The following PLG variants were observed in gnomAD, a reference collection of about 807,000 sequenced individuals.
PLG encodes the protein plasmin.
A neutral mutation model predicts 104.4 loss-of-function variants in PLG; 41 were observed. The observed-to-expected ratio is 0.39, with a 90% CI of 0.31 to 0.51. The LOEUF (loss-of-function observed/expected upper bound fraction) is 0.51. Ranked by LOEUF, PLG falls within the 20% of genes least tolerant of loss-of-function variation. The pLI is 0.76. For missense variants in PLG, 891 were observed against 1,003.6 expected (o/e 0.89, Z 1.52); for synonymous variants, 337 against 357.1 (o/e 0.94, Z 0.63).
At chr6:160,749,822 C>T (rs1034842751) in intron 17 of PLG, among the ~76,000 whole-genome samples, 6 of 150,968 alleles carry the variant, frequency 4.0e-5, no homozygotes, top group African/African-American at 9.8e-5. Context: ...ACCATCATTT[C>T]ACTACCAGCA....
In PLG at chr6:160,736,845, A is replaced by G. The variant is rs1778089267; in HGVS notation, c.1682-42A>G. 1.2e-6 allele frequency: 2 copies of G among 1,612,088 alleles called. No individual in the cohort carries two copies. The highest frequency in any genetic ancestry group is 8.5e-7 in the Non-Finnish European group (1 of 1,178,726). On this transcript the variant is annotated intron_variant, in intron 13 of 18. Coordinates refer to ENST00000308192, the MANE Select transcript of PLG (RefSeq NM_000301.5). The surrounding 1 kb of genome is among the most constrained non-coding windows in gnomAD (Gnocchi z 5.2). Reference sequence around the variant, plus strand: ...TCTCGAATTACACCACAAAATTGCTACCTTGTCTCAAATGGGATTTCTTTC... The same window carrying G: ...TCTCGAATTACACCACAAAATTGCTGCCTTGTCTCAAATGGGATTTCTTTC...
At chr6:160,717,089 A>C (rs1777746081) in intron 7 of PLG, among the ~76,000 whole-genome samples, 1 of 152,120 alleles carries the variant, frequency 6.6e-6, no homozygotes, top group Non-Finnish European at 1.5e-5. Flanking sequence ...GCTCTCTGAC[A>C]CATGGATTTC....
Position 160,739,678 on chromosome 6 carries a change from T to A in PLG, c.2018+470T>A, listed in dbSNP as rs924010839. 2.0e-5 allele frequency among the ~76,000 whole-genome samples: 3 copies of A among 151,288 alleles called. No individual in the cohort carries two copies. The East Asian group carries it at 5.9e-4, about 30-fold the overall frequency. ...TGGGAGGCTGAGGCAGGAGGGTCAC[T>A]TGAGTCCCGGAGTTTGAGGCTGCAG... On this transcript the variant is annotated intron_variant, in intron 16 of 18. Transcript: ENST00000308192. The surrounding 1 kb of genome is among the most constrained non-coding windows in gnomAD (Gnocchi z 4.4).
intron 1 of PLG, chr6:160,705,380 C>T (rs894167949): frequency 6.6e-5 from 10 of 152,172 alleles, no homozygotes; most frequent in South Asian, 6.2e-4. Flanking sequence ...CGGACAGATT[C>T]GTTGTCTCAG....
chr6:160,721,521 T>C (rs1777827266), intron 9 of PLG, among the ~76,000 whole-genome samples: 2 of 152,184 alleles, frequency 1.3e-5, no homozygotes, highest in Non-Finnish European at 2.9e-5. Context: ...GAGTGGGGCC[T>C]GGGGTGCTAA....
At chr6:160,721,267 T>C (rs1777822878) in intron 9 of PLG, among the ~76,000 whole-genome samples, 1 of 152,210 alleles carries the variant, frequency 6.6e-6, no homozygotes, top group Non-Finnish European at 1.5e-5. Flanking sequence ...CTTGGGTTTT[T>C]TGGTGTGTCT....
rs1778075591 is a variant in PLG, at chr6:160,735,707, T to C, written c.1682-1180T>C. 6.6e-6 allele frequency among the ~76,000 whole-genome samples: 1 copy of C among 152,182 alleles called. No individual in the cohort carries two copies. The highest frequency in any genetic ancestry group is 1.5e-5 in the Non-Finnish European group (1 of 68,014). On this transcript the variant is annotated intron_variant, in intron 13 of 18. Transcript: ENST00000308192. This position sits in a 1 kb window ranked among gnomAD's most constrained non-coding sequence, Gnocchi z 5.4. ...ATTTCCTTTCCACCAACATATACAG[T>C]ACAAATAATAATAAGCAAAAATAAA...
In PLG at chr6:160,734,319, C is replaced by T. The variant is rs1233443361; in HGVS notation, c.1681+231C>T. 6.6e-6 allele frequency among the ~76,000 whole-genome samples: 1 copy of T among 152,044 alleles called. No individual in the cohort carries two copies. Among genetic ancestry groups the T allele is most frequent in the African/African-American group, 2.4e-5 (1 of 41,382 alleles). ...CATAAATAAAATAAATGTAAAATTC[C>T]CAAAGAGCAAGCTTAGAGGTAATCT... On this transcript the variant is annotated intron_variant, in intron 13 of 18. Coordinates refer to ENST00000308192, the MANE Select transcript of PLG (RefSeq NM_000301.5). The surrounding 1 kb of genome is among the most constrained non-coding windows in gnomAD (Gnocchi z 4.4).
At chr6:160,710,432 T>A (rs1005457591) in intron 3 of PLG, among the ~76,000 whole-genome samples, 1 of 152,058 alleles carries the variant, frequency 6.6e-6, no homozygotes, top group African/African-American at 2.4e-5. Flanking sequence ...ACCTGCCAGC[T>A]GCATGTGGAC....
rs745998201 is a variant in PLG, at chr6:160,731,788, G to A, written c.1482G>A (p.Ala494=). 1.7e-5 allele frequency: 27 copies of A among 1,613,764 alleles called. No homozygotes were observed. Among genetic ancestry groups the A allele is most frequent in the Middle Eastern group, 3.3e-4 (2 of 6,084 alleles). The change falls in exon 12 of 19, where the codon GCG becomes GCA. Residue 494 remains alanine (A), a synonymous_variant. Transcript: ENST00000308192. The surrounding 1 kb of genome is among the most constrained non-coding windows in gnomAD (Gnocchi z 5.1). The part of the protein sequence containing the change: ...GNGKGYRGKR[A]TTVTGTPCQD... ...GGAAAGGATACCGAGGCAAGAGGGC[G>A]ACCACTGTTACTGGGACGCCATGCC...
rs1346113408 is a variant in PLG at position 160,748,370 on chromosome 6, A to AAGAGAGAGAGAGAGAG, written c.2126-3742_2126-3741insGAGAGAGAGAGAGAGA. ...AGAAAGAGAAAGAAAGAAAGAAAGA[A>AAGAGAGAGAGAGAGAG]AGAAAGAAAGAAAGAAAGAAAGAAA... On this transcript the variant is annotated intron_variant, in intron 17 of 18. Coordinates refer to ENST00000308192, the MANE Select transcript of PLG (RefSeq NM_000301.5). Among the ~76,000 whole-genome samples, 87 of 41,420 alleles carry AAGAGAGAGAGAGAGAG rather than the reference A, an allele frequency of 2.1e-3. 5 individuals carry two copies. The East Asian group carries it at 0.033, about 16-fold the overall frequency. 27.2% of individuals were successfully genotyped at this position (41,420 alleles called of 152,430 possible).
intron 17 of PLG, among the ~76,000 whole-genome samples, chr6:160,748,370 A>AGAG (rs1562383303): frequency 4.8e-5 from 2 of 41,390 alleles, no homozygotes; most frequent in African/African-American, 1.6e-4. Flanking sequence ...GAAAGAAAGA[A>AGAG]AGAAAGAAAG....
rs1359194207 is a variant in PLG at position 160,740,019 on chromosome 6, A to G, written c.2018+811A>G. 5.9e-5 allele frequency among the ~76,000 whole-genome samples: 9 copies of G among 152,206 alleles called. No homozygotes were observed. Among genetic ancestry groups the G allele is most frequent in the Non-Finnish European group, 8.8e-5 (6 of 68,034 alleles). On this transcript the variant is annotated intron_variant, in intron 16 of 18. Coordinates refer to ENST00000308192, the MANE Select transcript of PLG (RefSeq NM_000301.5). This position sits in a 1 kb window ranked among gnomAD's most constrained non-coding sequence, Gnocchi z 5.2. ...AGAAACAGCTATTTGTAGGAGAAGC[A>G]GGTTTGGGACAGGTGACAAGGCACG...
At chr6:160,748,417 G>GAAAGAAAGAAAGAAAGAAAAA (rs1554252983) in intron 17 of PLG, among the ~76,000 whole-genome samples, 4 of 62,360 alleles carry the variant, frequency 6.4e-5, no homozygotes, top group Non-Finnish European at 9.1e-5. Flanking sequence ...AGAAAGAAAG[G>GAAAGAAAGAAAGAAAGAAAAA]GAAAGAAAGA....
At chr6:160,749,925 CTATCAT>C (rs1257398386) in intron 17 of PLG, among the ~76,000 whole-genome samples, 1 of 152,164 alleles carries the variant, frequency 6.6e-6, no homozygotes, top group African/African-American at 2.4e-5. Context: ...ACCACCATCA[CTATCAT>C]TAACAATAGA....
rs754989870 is a variant in PLG at position 160,711,197 on chromosome 6, A to G, written c.407+6A>G. ...ACTTCTCCCCACAGACCTAGGTAAG[A>G]CATTCCCTTTCATCTTTGTGTTCAT... is the stretch of plus-strand genomic sequence containing the variant. On this transcript the variant is annotated splice_donor_region_variant and intron_variant, in intron 4 of 18. Transcript: ENST00000308192. The G allele has an allele frequency of 6.2e-7, 1 of 1,613,080 alleles. No homozygotes were observed. Among genetic ancestry groups the G allele is most frequent in the Non-Finnish European group, 8.5e-7 (1 of 1,179,192 alleles).
In PLG at chr6:160,748,417, G is replaced by A. The variant is rs1014274398; in HGVS notation, c.2126-3698G>A. Among the ~76,000 whole-genome samples, 597 of 61,716 alleles carry A rather than the reference G, an allele frequency of 9.7e-3. 132 individuals are homozygous for A. Among genetic ancestry groups the A allele is most frequent in the South Asian group, 0.034 (47 of 1,392 alleles). The allele number at this position is 61,716 out of a possible 152,430, so 40.5% of individuals were successfully genotyped here. ...GAAAGAAAGGAAGAAAGAAAGAAAGGGAAAGAAAGAGAACGAAAGAAAGAA... is the reference window on the plus strand; with the variant it reads ...GAAAGAAAGGAAGAAAGAAAGAAAGAGAAAGAAAGAGAACGAAAGAAAGAA... On this transcript the variant is annotated intron_variant, in intron 17 of 18. Transcript: ENST00000308192.
intron 10 of PLG, 177 bp from the exon 11 acceptor site, chr6:160,730,874 G>A (rs1015350961): frequency 3.2e-6 from 2 of 627,532 alleles, no homozygotes; most frequent in East Asian, 2.7e-5. Context: ...TCTTTGAAAT[G>A]TACACAGTTG....
chr6:160,711,770 T>C (rs1777646886), intron 4 of PLG: 1 of 1,597,030 alleles, frequency 6.3e-7, no homozygotes, highest in Non-Finnish European at 8.5e-7. Flanking sequence ...CAAAGATGAC[T>C]ATGTTTGGGA....
Sources: gnomAD v4.1 joint callset for allele counts (sites outside exome capture counted in the v4.1 genomes callset) on GRCh38, gnomAD v4.1.1 for gene constraint, Gnocchi (gnomAD v3.1) non-coding constraint, MANE v1.5 for transcripts, NCBI Gene and HGNC (gene_info 2026-07-23, HGNC 2026-07-21) for gene names.